The following TXNRD1 variants were observed in gnomAD, a reference collection of about 807,000 sequenced individuals.
TXNRD1 encodes the protein thioredoxin reductase 1.
TXNRD1 carries 57 observed loss-of-function variants against 80.3 expected under a neutral mutation model. That is an observed-to-expected ratio of 0.71 (90% CI 0.57 to 0.89). The LOEUF is 0.89. TXNRD1 is among the 40% of genes least tolerant of loss of function. The pLI is 0.00. For missense variants in TXNRD1, 730 were observed against 803.0 expected (o/e 0.91, Z 1.10); for synonymous variants, 291 against 285.2 (o/e 1.02, Z -0.20).
chr12:104,253,127 A>G (rs1238132136), intron 2 of TXNRD1, among the ~76,000 whole-genome samples: 1 of 152,080 alleles, frequency 6.6e-6, no homozygotes, highest in Non-Finnish European at 1.5e-5. Context: ...AAATGGGCTT[A>G]TGGGCTTTTT....
chr12:104,310,773 T>C (rs2035105865), intron 4 of TXNRD1, among the ~76,000 whole-genome samples: 1 of 152,234 alleles, frequency 6.6e-6, no homozygotes, highest in Non-Finnish European at 1.5e-5. Context: ...ATTTAAAATA[T>C]CCTACAAAAG....
chr12:104,266,186 T>A (rs537891345), intron 3 of TXNRD1, among the ~76,000 whole-genome samples: 1 of 152,286 alleles, frequency 6.6e-6, no homozygotes, highest in East Asian at 1.9e-4. Context: ...GTCACTGTGT[T>A]GTATTTCATT....
At chr12:104,236,787 CA>C (rs35066909) in intron 1 of TXNRD1, among the ~76,000 whole-genome samples, 31,861 of 112,580 alleles carry the variant, frequency 0.28, 3,862 homozygotes, top group East Asian at 0.52. Context: ...AAAACTGTCT[CA>C]AAAAAAAAAA....
intron 3 of TXNRD1, chr12:104,265,363 A>G: frequency 1.2e-6 from 2 of 1,608,500 alleles, no homozygotes; most frequent in East Asian, 2.2e-5. Context: ...CTGCCTGCCC[A>G]CCCCCAAATG....
intron 1 of TXNRD1, among the ~76,000 whole-genome samples, chr12:104,246,052 G>A (rs2032980566): frequency 6.7e-6 from 1 of 148,368 alleles, no homozygotes; most frequent in African/African-American, 2.5e-5. Context: ...GGCGGAGCTT[G>A]CAGTGAGCTG....
chr12:104,321,824 G>C (rs926524021), intron 10 of TXNRD1, among the ~76,000 whole-genome samples: 2 of 152,076 alleles, frequency 1.3e-5, no homozygotes, highest in African/African-American at 4.8e-5. Flanking sequence ...CTTTTGAAAG[G>C]AGCTAATACT....
intron 14 of TXNRD1, among the ~76,000 whole-genome samples, chr12:104,332,456 G>A (rs1028406709): frequency 6.6e-6 from 1 of 151,866 alleles, no homozygotes; most frequent in African/African-American, 2.4e-5. Flanking sequence ...CTGATTATAA[G>A]AATAGTATAT....
Position 104,311,377 on chromosome 12 carries a change from A to G in TXNRD1, c.502A>G (p.Ile168Val), listed in dbSNP as rs2035127136. 1 of 1,613,536 alleles carries G rather than the reference A, an allele frequency of 6.2e-7. No individual in the cohort carries two copies. Among genetic ancestry groups the G allele is most frequent in the African/African-American group, 1.3e-5 (1 of 74,890 alleles). Reference protein sequence around the residue: ...PKSYDYDLIIIGGGSGGLAAA... With the variant: ...PKSYDYDLIIVGGGSGGLAAA... Reference sequence around the variant, plus strand: ...GTCCTATGACTATGACCTTATCATCATTGGAGGTGGCTCAGGAGGTCTGGC... The same window carrying G: ...GTCCTATGACTATGACCTTATCATCGTTGGAGGTGGCTCAGGAGGTCTGGC... Residue 168 changes from isoleucine to valine, a missense_variant, in exon 5 of 17, where the codon ATT becomes GTT. Transcript: ENST00000525566.
intron 10 of TXNRD1, among the ~76,000 whole-genome samples, chr12:104,322,241 A>G (rs560747306): frequency 2.4e-4 from 37 of 152,286 alleles, no homozygotes; most frequent in Non-Finnish European, 4.3e-4. Context: ...CAACACTTAT[A>G]AAGTAATTAG....
chr12:104,310,118 T>C lies in TXNRD1; in HGVS notation c.415-1172T>C, dbSNP rs1198082675. The C allele has an allele frequency of 4.0e-6, 6 of 1,483,600 alleles. No individual in the cohort carries two copies. In the African/African-American group the frequency reaches 5.7e-5, roughly 14 times the overall value. 91.9% of individuals were successfully genotyped at this position (1,483,600 alleles called of 1,614,324 possible). On this transcript the variant is annotated intron_variant, in intron 4 of 16. Transcript: ENST00000525566. ...TGGGCTGGTAAGTTTGGGGGCTTTT[T>C]TTTGTTATTAAAGTTAAGGCTTTTT...
At chr12:104,273,034 G>A (rs2033684928) in intron 3 of TXNRD1, among the ~76,000 whole-genome samples, 1 of 151,768 alleles carries the variant, frequency 6.6e-6, no homozygotes, top group Non-Finnish European at 1.5e-5. Context: ...TTCAGTCTCC[G>A]GCTGCGGCTG....
intron 1 of TXNRD1, among the ~76,000 whole-genome samples, chr12:104,219,461 A>G (rs2032298825): frequency 6.6e-6 from 1 of 152,240 alleles, no homozygotes; most frequent in Non-Finnish European, 1.5e-5. Context: ...TAAACAAGGC[A>G]TGATCTCAGT....
At chr12:104,304,506 A>G in intron 4 of TXNRD1, 1 of 1,614,044 alleles carries the variant, frequency 6.2e-7, no homozygotes, top group Non-Finnish European at 8.5e-7. Context: ...CACCAGAAAA[A>G]AGTTCGCAAG....
intron 3 of TXNRD1, among the ~76,000 whole-genome samples, chr12:104,279,574 G>A (rs1235988375): frequency 1.3e-5 from 2 of 152,170 alleles, no homozygotes; most frequent in Non-Finnish European, 2.9e-5. Flanking sequence ...TTAGTAACTT[G>A]GCTTTGCAGT....
At chr12:104,327,737 G>A (rs1460135706) in intron 13 of TXNRD1, 66 bp downstream of exon 13, 6 of 1,531,052 alleles carry the variant, frequency 3.9e-6, no homozygotes, top group East Asian at 4.6e-5. Context: ...CTTATTTAGG[G>A]GGCAGTTGGG....
chr12:104,278,420 C>G (rs1463549996), intron 3 of TXNRD1, among the ~76,000 whole-genome samples: 1 of 144,000 alleles, frequency 6.9e-6, no homozygotes, highest in African/African-American at 2.6e-5. Flanking sequence ...AGGACGGTCT[C>G]GATCTCCTGA....
chr12:104,234,752 C>G (rs2032699014), intron 1 of TXNRD1, among the ~76,000 whole-genome samples: 1 of 151,422 alleles, frequency 6.6e-6, no homozygotes, highest in African/African-American at 2.4e-5. Flanking sequence ...GAACAGGCAG[C>G]TCTGCAAGCA....
chr12:104,277,649 G>A (rs1438292539), intron 3 of TXNRD1, among the ~76,000 whole-genome samples: 2 of 151,942 alleles, frequency 1.3e-5, no homozygotes, highest in African/African-American at 4.8e-5. Context: ...TTTTCAGGGT[G>A]GATGATTCAT....
chr12:104,280,870 T>C (rs1286847255), intron 3 of TXNRD1: 2 of 151,808 alleles, frequency 1.3e-5, no homozygotes, highest in African/African-American at 2.4e-5. Flanking sequence ...GTCAATTCTT[T>C]AAAAAAAAGA....
Sources: gnomAD v4.1 joint callset for allele counts (sites outside exome capture counted in the v4.1 genomes callset) on GRCh38, gnomAD v4.1.1 for gene constraint, MANE v1.5 for transcripts, NCBI Gene and HGNC (gene_info 2026-07-23, HGNC 2026-07-21) for gene names.